DSCAM: variants seen among roughly 807,000 people sequenced by gnomAD.
DSCAM encodes DS cell adhesion molecule.
Under a neutral mutation model 217.7 loss-of-function variants are expected in DSCAM, and 47 were observed. The observed-to-expected ratio is 0.22, with a 90% CI of 0.17 to 0.28. DSCAM has a LOEUF of 0.28. Ranked by LOEUF, DSCAM falls within the 10% of genes least tolerant of loss-of-function variation. The probability of loss-of-function intolerance (pLI) is 1.00; values close to 1 mark genes in which losing one functional copy is unlikely to be tolerated. For synonymous variants in DSCAM, 1,056 were observed against 1,015.3 expected, an observed-to-expected ratio of 1.04 and a Z score of -0.76; for missense variants, 2,080 against 2,618.3, an observed-to-expected ratio of 0.79 and a Z score of 4.49.
At chr21:40,667,699 G>C (rs924495616) in intron 3 of DSCAM, among the ~76,000 whole-genome samples, 1 of 152,114 alleles carries the variant, frequency 6.6e-6, no homozygotes, top group Admixed American at 6.5e-5. Flanking sequence ...GGTTTTATAA[G>C]GGGCTTTTCC....
intron 1 of DSCAM, among the ~76,000 whole-genome samples, chr21:40,748,276 T>C (rs2091194362): frequency 6.6e-6 from 1 of 151,854 alleles, no homozygotes; most frequent in Non-Finnish European, 1.5e-5. Flanking sequence ...GGAGTCAAAT[T>C]TTCCCTGTTT....
chr21:40,063,832 G>C (rs1050885090), intron 27 of DSCAM, among the ~76,000 whole-genome samples: 4 of 152,150 alleles, frequency 2.6e-5, no homozygotes, highest in Admixed American at 1.3e-4. Flanking sequence ...TCTGAAAGAC[G>C]TGGACAGTCA....
chr21:40,364,743 C>T (rs143985522), intron 4 of DSCAM, among the ~76,000 whole-genome samples: 42 of 143,238 alleles, frequency 2.9e-4, no homozygotes, highest in African/African-American at 8.2e-4. Flanking sequence ...TATATATATA[C>T]ACACACTAGT....
At chr21:40,529,035 C>G (rs896413778) in intron 3 of DSCAM, among the ~76,000 whole-genome samples, 50 of 151,686 alleles carry the variant, frequency 3.3e-4, no homozygotes, top group Non-Finnish European at 1.6e-4. Context: ...TCCTGAGTAG[C>G]TGGGACTACA....
chr21:40,378,428 TG>T (rs2074984661), intron 3 of DSCAM, among the ~76,000 whole-genome samples: 1 of 152,154 alleles, frequency 6.6e-6, no homozygotes, highest in African/African-American at 2.4e-5. Context: ...ATATTTCAAG[TG>T]TGAGACTTGC....
intron 3 of DSCAM, among the ~76,000 whole-genome samples, chr21:40,561,536 T>A (rs1204823437): frequency 6.6e-6 from 1 of 152,226 alleles, no homozygotes; most frequent in Non-Finnish European, 1.5e-5. Flanking sequence ...TATATGATCA[T>A]CCTTTAGCTT....
chr21:40,138,232 G>C (rs1419253562), intron 18 of DSCAM, among the ~76,000 whole-genome samples: 1 of 151,772 alleles, frequency 6.6e-6, no homozygotes, highest in Non-Finnish European at 1.5e-5. Context: ...CTCAGCCTGT[G>C]TGAATGTGTG....
chr21:40,054,141 A>G (rs902724082), intron 29 of DSCAM, among the ~76,000 whole-genome samples: 6 of 152,232 alleles, frequency 3.9e-5, no homozygotes. Flanking sequence ...GGTGAAACAA[A>G]AGAGATTCCA....
chr21:40,780,103 C>T (rs189978366), intron 1 of DSCAM, among the ~76,000 whole-genome samples: 1 of 152,228 alleles, frequency 6.6e-6, no homozygotes, highest in East Asian at 1.9e-4. Context: ...TAGATGTCAT[C>T]GTCTCCATTT....
At chr21:40,272,988 C>T (rs144105591) in intron 11 of DSCAM, among the ~76,000 whole-genome samples, 49 of 152,144 alleles carry the variant, frequency 3.2e-4, no homozygotes, top group African/African-American at 8.4e-4. Flanking sequence ...GAGCTTTGGA[C>T]GAGTATTAGA....
chr21:40,399,416 TA>T (rs2075213523), intron 3 of DSCAM, among the ~76,000 whole-genome samples: 1 of 152,238 alleles, frequency 6.6e-6, no homozygotes, highest in Non-Finnish European at 1.5e-5. Flanking sequence ...TTCTAGTTCC[TA>T]AATATCTTTA....
chr21:40,205,051 T>C (rs1601439080), intron 11 of DSCAM, among the ~76,000 whole-genome samples: 2 of 152,354 alleles, frequency 1.3e-5, no homozygotes, highest in Non-Finnish European at 2.9e-5. Flanking sequence ...CAAGGAATTG[T>C]TGGCAAACAG....
At chr21:40,571,073 C>T (rs1390358814) in intron 3 of DSCAM, among the ~76,000 whole-genome samples, 1 of 151,530 alleles carries the variant, frequency 6.6e-6, no homozygotes, top group African/African-American at 2.4e-5. Context: ...CTAGGTACAT[C>T]AGAGGTGAAC....
At chr21:40,356,210 T>C (rs1272368781) in intron 4 of DSCAM, among the ~76,000 whole-genome samples, 1 of 152,108 alleles carries the variant, frequency 6.6e-6, no homozygotes, top group African/African-American at 2.4e-5. Context: ...GCCAGATGAA[T>C]AGATTCTAGA....
intron 6 of DSCAM, among the ~76,000 whole-genome samples, chr21:40,346,290 C>G (rs1343263047): frequency 6.6e-6 from 1 of 152,124 alleles, no homozygotes; most frequent in Non-Finnish European, 1.5e-5. Flanking sequence ...TTCACCTCTG[C>G]TTTAAAAATC....
At chr21:40,526,642 T>C (rs1656721566) in intron 3 of DSCAM, among the ~76,000 whole-genome samples, 1 of 152,142 alleles carries the variant, frequency 6.6e-6, no homozygotes, top group East Asian at 1.9e-4. Flanking sequence ...GAACTTTGCT[T>C]ATCAGATTTT....
chr21:40,511,184 T>G (rs1300082141), intron 3 of DSCAM, among the ~76,000 whole-genome samples: 1 of 152,220 alleles, frequency 6.6e-6, no homozygotes, highest in Non-Finnish European at 1.5e-5. Flanking sequence ...TGCTTTCACA[T>G]TTTCTCAGTT....
At chr21:40,391,271 A>G (rs756492309) in intron 3 of DSCAM, among the ~76,000 whole-genome samples, 17 of 152,358 alleles carry the variant, frequency 1.1e-4, no homozygotes, top group Non-Finnish European at 2.1e-4. Context: ...GGCTTTAAAT[A>G]AGAAGCCAAT....
chr21:40,032,463 G>A (rs2088544881), intron 32 of DSCAM, among the ~76,000 whole-genome samples: 1 of 152,088 alleles, frequency 6.6e-6, no homozygotes, highest in Admixed American at 6.5e-5. Context: ...GAGGGCCCCT[G>A]AGTACAAGCC....
Sources: gnomAD v4.1 joint callset for allele counts (sites outside exome capture counted in the v4.1 genomes callset) on GRCh38, gnomAD v4.1.1 for gene constraint, MANE v1.5 for transcripts, NCBI Gene and HGNC (gene_info 2026-07-23, HGNC 2026-07-21) for gene names.